Variants in GFRA1 observed in about 807,000 individuals in gnomAD.
The protein encoded by GFRA1 is GDNF family receptor alpha-1.
In GFRA1, 16 loss-of-function variants were observed where a neutral mutation model predicts 51.6. The observed-to-expected ratio is 0.31, with a 90% CI of 0.21 to 0.47. GFRA1 has a LOEUF of 0.47. Ranked by LOEUF, GFRA1 falls within the 20% of genes least tolerant of loss-of-function variation. GFRA1 has a pLI of 1.00. For missense variants in GFRA1, 530 were observed against 594.3 expected, an observed-to-expected ratio of 0.89 and a Z score of 1.13; for synonymous variants, 270 against 241.3, an observed-to-expected ratio of 1.12 and a Z score of -1.10.
At chr10:116,080,118 G>A (rs561535616) in intron 9 of GFRA1, among the ~76,000 whole-genome samples, 33 of 152,246 alleles carry the variant, frequency 2.2e-4, no homozygotes, top group Admixed American at 1.8e-3. Flanking sequence ...TCCAATTGCT[G>A]GGCCGAAAGC....
chr10:116,220,779 C>CT (rs1329588588), intron 4 of GFRA1, among the ~76,000 whole-genome samples: 1 of 152,304 alleles, frequency 6.6e-6, no homozygotes, highest in East Asian at 1.9e-4. Context: ...TTAAACAAAT[C>CT]ATTTAAGCAC....
chr10:116,231,209 G>C (rs546052012), intron 4 of GFRA1, among the ~76,000 whole-genome samples: 1 of 152,256 alleles, frequency 6.6e-6, no homozygotes, highest in South Asian at 2.1e-4. Context: ...ATGAGAAGAC[G>C]ACCAACCAGG....
chr10:116,165,868 T>C (rs111465367), intron 5 of GFRA1, among the ~76,000 whole-genome samples: 1 of 128,460 alleles, frequency 7.8e-6, no homozygotes, highest in Non-Finnish European at 1.7e-5. Flanking sequence ...TGTCATGGGG[T>C]TTGCTGTACA....
Position 116,114,728 on chromosome 10 carries a change from TTCTGGGGGGTA to T in GFRA1, c.770+10482_770+10492del, listed in dbSNP as rs201099082. Among the ~76,000 whole-genome samples the T allele has an allele frequency of 6.7e-3, 1,020 of 152,250 alleles. 9 individuals carry two copies. Among genetic ancestry groups the T allele is most frequent in the African/African-American group, 0.023 (953 of 41,560 alleles). On this transcript the variant is annotated intron_variant, in intron 6 of 10. Coordinates refer to ENST00000355422, the MANE Select transcript of GFRA1 (RefSeq NM_005264.8). The stretch of plus-strand genomic sequence containing the variant: ...GTTCTACTTCAAAGATCTCTCTCTG[TTCTGGGGGGTA>T]TCACATTTAAAATCTTAAGCTTTGT...
chr10:116,130,104 A>G (rs1958046122), intron 5 of GFRA1, among the ~76,000 whole-genome samples: 1 of 151,650 alleles, frequency 6.6e-6, no homozygotes, highest in Non-Finnish European at 1.5e-5. Context: ...AGCACTTAAA[A>G]GGAATATAAC....
chr10:116,130,683 C>G (rs915317848), intron 5 of GFRA1, among the ~76,000 whole-genome samples: 12 of 151,916 alleles, frequency 7.9e-5, no homozygotes, highest in African/African-American at 2.9e-4. Flanking sequence ...ACATATGGTA[C>G]TAGAATAATT....
chr10:116,147,864 CG>C (rs990206183), intron 5 of GFRA1, among the ~76,000 whole-genome samples: 4 of 151,930 alleles, frequency 2.6e-5, no homozygotes, highest in African/African-American at 9.7e-5. Flanking sequence ...TATCCGCTTC[CG>C]GGGGACCCCA....
intron 4 of GFRA1, among the ~76,000 whole-genome samples, chr10:116,213,683 T>C (rs556090756): frequency 6.6e-6 from 1 of 152,156 alleles, no homozygotes; most frequent in Non-Finnish European, 1.5e-5. Flanking sequence ...GAACCAAGGG[T>C]CCATCAGTGG....
intron 5 of GFRA1, among the ~76,000 whole-genome samples, chr10:116,165,547 T>C (rs188570291): frequency 7.3e-4 from 111 of 152,270 alleles, no homozygotes; most frequent in African/African-American, 2.6e-3. Flanking sequence ...GGTGAATTGC[T>C]GTTACTCTCC....
At chr10:116,137,556 C>T (rs2134077860) in intron 5 of GFRA1, among the ~76,000 whole-genome samples, 1 of 152,280 alleles carries the variant, frequency 6.6e-6, no homozygotes, top group East Asian at 1.9e-4. Context: ...AGCCCTGCAA[C>T]CATCACTCAT....
intron 4 of GFRA1, among the ~76,000 whole-genome samples, chr10:116,234,867 G>A (rs963120972): frequency 7.2e-5 from 11 of 152,120 alleles, no homozygotes; most frequent in African/African-American, 2.7e-4. Context: ...ATGGGTGGGG[G>A]GGTTCCCTCA....
intron 5 of GFRA1, among the ~76,000 whole-genome samples, chr10:116,188,418 C>A (rs1962931884): frequency 6.6e-6 from 1 of 152,140 alleles, no homozygotes; most frequent in Admixed American, 6.5e-5. Context: ...CAGTCCAATT[C>A]TTGGAGCTAG....
chr10:116,217,777 A>G (rs528867191), intron 4 of GFRA1, among the ~76,000 whole-genome samples: 52 of 152,298 alleles, frequency 3.4e-4, no homozygotes, highest in African/African-American at 1.3e-3. Context: ...ACAATAGGTA[A>G]TTTTTGCGGA....
rs73367252 is a variant in GFRA1 at position 116,108,772 on chromosome 10, C to T, written c.771-12008G>A. Among the ~76,000 whole-genome samples the T allele has an allele frequency of 5.9e-3, 897 of 152,316 alleles. 10 individuals are homozygous for T. Among genetic ancestry groups the T allele is most frequent in the African/African-American group, 0.02 (833 of 41,580 alleles). On this transcript the variant is annotated intron_variant, in intron 6 of 10. Transcript: ENST00000355422. ...AGCCTTGCTGCCCACACCTCATCTCCGTCACTTTCTATTCTATATCTTCAC... is the reference window on the plus strand; with the variant it reads ...AGCCTTGCTGCCCACACCTCATCTCTGTCACTTTCTATTCTATATCTTCAC...
At chr10:116,255,500 A>C (rs1968759425) in intron 4 of GFRA1, 1 of 939,432 alleles carries the variant, frequency 1.1e-6, no homozygotes, top group Non-Finnish European at 1.4e-6. Context: ...ATCAGGAAAA[A>C]AAAAAACAAA....
intron 5 of GFRA1, among the ~76,000 whole-genome samples, chr10:116,132,770 ATAC>A (rs1348435944): frequency 6.6e-6 from 1 of 152,192 alleles, no homozygotes; most frequent in Non-Finnish European, 1.5e-5. Flanking sequence ...GTGCACGAAA[ATAC>A]TACCTCAATG....
intron 4 of GFRA1, among the ~76,000 whole-genome samples, chr10:116,257,001 G>C (rs1356688579): frequency 3.7e-5 from 5 of 136,168 alleles, no homozygotes; most frequent in Non-Finnish European, 8.3e-5. Context: ...CAGGACAAAA[G>C]GCAGTGCTGG....
chr10:116,090,771 C>G (rs1347265105), intron 8 of GFRA1, among the ~76,000 whole-genome samples: 1 of 152,054 alleles, frequency 6.6e-6, no homozygotes, highest in Non-Finnish European at 1.5e-5. Context: ...AACCAAACTC[C>G]TCCATTTGGG....
At chr10:116,132,195 G>A (rs1168453950) in intron 5 of GFRA1, among the ~76,000 whole-genome samples, 1 of 152,082 alleles carries the variant, frequency 6.6e-6, no homozygotes, top group African/African-American at 2.4e-5. Context: ...GGTGACAAGA[G>A]CGAAAGTGTG....
Sources: gnomAD v4.1 joint callset for allele counts (sites outside exome capture counted in the v4.1 genomes callset) on GRCh38, gnomAD v4.1.1 for gene constraint, MANE v1.5 for transcripts, NCBI Gene and HGNC (gene_info 2026-07-23, HGNC 2026-07-21) for gene names.